Variants in ZNF728 observed in about 807,000 individuals in gnomAD.
ZNF728 encodes the protein zinc finger protein 728.
A neutral mutation model predicts 12.5 loss-of-function variants in ZNF728; 12 were observed. The observed-to-expected ratio is 0.96, with a 90% CI of 0.61 to 1.55. The LOEUF (loss-of-function observed/expected upper bound fraction) is 1.55. Among genes scored for constraint, ZNF728 ranks in the 40% most tolerant of loss-of-function variants. The pLI, the probability that ZNF728 is intolerant of heterozygous loss-of-function variation, is 0.00. For missense variants in ZNF728, 692 were observed against 719.2 expected (o/e 0.96, Z 0.43); for synonymous variants, 205 against 240.7 (o/e 0.85, Z 1.37).
At position 22,976,975 on chromosome 19, in the gene ZNF728, T is replaced by C; in HGVS notation, c.362A>G (p.Asp121Gly). The C allele has an allele frequency of 6.2e-7, 1 of 1,613,586 alleles. No individual in the cohort carries two copies. The highest frequency in any genetic ancestry group is 1.1e-5 in the South Asian group (1 of 91,076). ...LQLKIGCTNVDECKVHKKGYN... is the reference protein window; with the variant it reads ...LQLKIGCTNVGECKVHKKGYN... ...ACCTTTTTTGTGCACCTTACACTCA[T>C]CCACATTGGTACAACCAATTTTTAA... The change falls in exon 4 of 4, where the codon GAT becomes GGT. Residue 121 changes from aspartate (D) to glycine (G), a missense_variant. By Grantham distance (94) the Asp-to-Gly change is moderately conservative. This residue lies in a region of ZNF728 where 440 missense variants were observed against 459.6 expected (regional missense o/e 0.96). Transcript: ENST00000594710.
intron 3 of ZNF728, among the ~76,000 whole-genome samples, chr19:22,984,601 C>T (rs1337643453): frequency 6.7e-6 from 1 of 149,564 alleles, no homozygotes; most frequent in East Asian, 1.9e-4. Context: ...CACACACACA[C>T]ACACACACAC....
At chr19:22,991,253 T>C (rs889301195) in intron 1 of ZNF728, among the ~76,000 whole-genome samples, 10 of 152,244 alleles carry the variant, frequency 6.6e-5, no homozygotes, top group African/African-American at 2.4e-4. Flanking sequence ...GCAGGTATTA[T>C]GTGATGTTAC....
intron 1 of ZNF728, among the ~76,000 whole-genome samples, chr19:22,997,728 TAA>T (rs112287289): frequency 2.2e-5 from 3 of 135,206 alleles, no homozygotes; most frequent in African/African-American, 2.6e-5. Flanking sequence ...TAAATCTATT[TAA>T]AAAAAAAAAA....
intron 1 of ZNF728, among the ~76,000 whole-genome samples, chr19:23,002,648 CAG>C (rs926172832): frequency 1.3e-5 from 2 of 152,108 alleles, no homozygotes; most frequent in Non-Finnish European, 2.9e-5. Context: ...TAGGAGAAAA[CAG>C]GGGCTGGGAA....
intron 1 of ZNF728, among the ~76,000 whole-genome samples, chr19:22,992,138 A>G (rs1968995116): frequency 6.6e-6 from 1 of 152,226 alleles, no homozygotes. Context: ...ACAGCTATTT[A>G]TTGTACCCAC....
At chr19:22,988,208 T>C in intron 2 of ZNF728, 117 bp downstream of exon 2, 11 of 1,561,952 alleles carry the variant, frequency 7.0e-6, no homozygotes, top group South Asian at 3.6e-5. Context: ...CTTCCAAATA[T>C]ACTCTTTTGT....
intron 1 of ZNF728, among the ~76,000 whole-genome samples, chr19:22,993,891 A>T (rs781089317): frequency 5.9e-5 from 9 of 152,216 alleles, no homozygotes; most frequent in Non-Finnish European, 1.0e-4. Context: ...TTCCTCAGAC[A>T]AAAACTTTTT....
intron 1 of ZNF728, among the ~76,000 whole-genome samples, chr19:22,989,459 G>T (rs1194314430): frequency 6.6e-6 from 1 of 152,122 alleles, no homozygotes; most frequent in Non-Finnish European, 1.5e-5. Flanking sequence ...AAATGTGTTG[G>T]TTTGTTCACA....
chr19:22,980,242 T>C (rs2145335112), intron 3 of ZNF728, among the ~76,000 whole-genome samples: 1 of 137,786 alleles, frequency 7.3e-6, no homozygotes, highest in South Asian at 2.3e-4. Context: ...TAGTCTCTGA[T>C]AAAACAGACT....
At position 22,976,243 on chromosome 19, in the gene ZNF728, T is replaced by A; in HGVS notation, c.1094A>T (p.Glu365Val). 6.2e-7 allele frequency: 1 copy of A among 1,613,386 alleles called. No individual in the cohort carries two copies. Among genetic ancestry groups the A allele is most frequent in the Non-Finnish European group, 8.5e-7 (1 of 1,179,792 alleles). The change falls in exon 4 of 4, where the codon GAG becomes GTG. Residue 365 changes from glutamate (E) to valine (V), a missense_variant. Physicochemically the swap from Glu to Val is moderately radical, Grantham distance 121. Around this residue, in one of 3 missense-constraint regions of ZNF728, gnomAD observed 440 missense variants for 459.6 expected, o/e 0.96. Coordinates refer to ENST00000594710, the MANE Select transcript of ZNF728 (RefSeq NM_001267716.2). ...ACATTCTTCACATTTGTAGGGTTTC[T>A]CTCCAGTATGAATTACCTTATGTTT... ...LTKHKVIHTG[E>V]KPYKCEECGK... is the part of the protein sequence containing the mutation.
intron 1 of ZNF728, among the ~76,000 whole-genome samples, chr19:22,996,777 CT>C (rs554152608): frequency 1.3e-5 from 2 of 151,892 alleles, no homozygotes; most frequent in Non-Finnish European, 2.9e-5. Flanking sequence ...ATAATCTAAA[CT>C]TTTTTTTAAA....
chr19:22,998,104 C>T (rs549285807), intron 1 of ZNF728, among the ~76,000 whole-genome samples: 36 of 152,064 alleles, frequency 2.4e-4, no homozygotes, highest in African/African-American at 8.7e-4. Flanking sequence ...TGGGTATATA[C>T]CTAAAAATAT....
At chr19:22,977,811 T>C (rs1350614479) in intron 3 of ZNF728, among the ~76,000 whole-genome samples, 1 of 152,186 alleles carries the variant, frequency 6.6e-6, no homozygotes, top group Non-Finnish European at 1.5e-5. Context: ...AAAGCTATAT[T>C]ATAAATTTTT....
intron 3 of ZNF728, among the ~76,000 whole-genome samples, chr19:22,980,409 TA>T (rs1968850026): frequency 6.6e-6 from 1 of 152,150 alleles, no homozygotes; most frequent in Non-Finnish European, 1.5e-5. Flanking sequence ...CAAAGAGACT[TA>T]GATTCCCACA....
At position 22,974,975 on chromosome 19, in the gene ZNF728, T is replaced by C. The variant is rs1231371643; in HGVS notation, c.*493A>G. On this transcript the variant is annotated 3_prime_UTR_variant, in exon 4 of 4. Transcript: ENST00000594710. ...AAATGTTTTGCCACATTGTTTATTC[T>C]AGTAGTTTTCTCCAGTATGAGATAT... is the stretch of plus-strand genomic sequence containing the variant. 1.3e-5 allele frequency among the ~76,000 whole-genome samples: 2 copies of C among 152,230 alleles called. No individual in the cohort carries two copies. Among genetic ancestry groups the C allele is most frequent in the Non-Finnish European group, 2.9e-5 (2 of 68,040 alleles).
At chr19:22,998,354 T>TTA (rs1555703491) in intron 1 of ZNF728, among the ~76,000 whole-genome samples, 4 of 138,086 alleles carry the variant, frequency 2.9e-5, no homozygotes, top group African/African-American at 1.0e-4. Flanking sequence ...ATCCCATCTA[T>TTA]AAAAAAAAAA....
chr19:22,976,819 A>G lies in ZNF728; in HGVS notation c.518T>C (p.Leu173Ser). 6.2e-7 allele frequency: 1 copy of G among 1,613,440 alleles called. No homozygotes were observed. Among genetic ancestry groups the G allele is most frequent in the Non-Finnish European group, 8.5e-7 (1 of 1,179,792 alleles). ...HKIRHTGKKL[L>S]KCKEYVRSFC... ...TGATCTGACATATTCTTTACATTTC[A>G]AAAGTTTCTTTCCAGTATGCCTTAT... is the stretch of plus-strand genomic sequence containing the variant. The change falls in exon 4 of 4, where the codon TTG becomes TCG. Residue 173 changes from leucine to serine, a missense_variant. Around this residue, in one of 3 missense-constraint regions of ZNF728, gnomAD observed 440 missense variants for 459.6 expected, o/e 0.96. Transcript: ENST00000594710.
intron 2 of ZNF728, among the ~76,000 whole-genome samples, chr19:22,987,947 G>A (rs190417668): frequency 3.9e-5 from 6 of 152,314 alleles, no homozygotes; most frequent in Admixed American, 2.6e-4. Flanking sequence ...GAATGTGGGC[G>A]AATTCGCTTC....
intron 1 of ZNF728, 91 bp from the exon 2 acceptor site, chr19:22,988,542 A>G (rs1968945344): frequency 1.3e-6 from 2 of 1,555,298 alleles, no homozygotes; most frequent in South Asian, 2.4e-5. Context: ...GAGTAAAAAG[A>G]GCTCATTCTG....
Sources: gnomAD v4.1 joint callset for allele counts (sites outside exome capture counted in the v4.1 genomes callset) on GRCh38, gnomAD v4.1.1 for gene constraint, gnomAD v4.1.1 regional missense constraint, MANE v1.5 for transcripts, NCBI Gene and HGNC (gene_info 2026-07-23, HGNC 2026-07-21) for gene names.